Variants in TRMT11 observed in about 807,000 individuals in gnomAD.
TRMT11 encodes tRNA methyltransferase 11, also known as tRNA (guanine(10)-N(2))-methyltransferase TRMT11.
Under a neutral mutation model 62.8 loss-of-function variants are expected in TRMT11, and 53 were observed. That is an observed-to-expected ratio of 0.84 (90% confidence interval 0.68 to 1.06). The LOEUF is 1.06. Among genes scored for constraint, TRMT11 ranks in the 50% least tolerant of loss-of-function variants. The pLI, the probability that TRMT11 is intolerant of heterozygous loss-of-function variation, is 0.00. For missense variants in TRMT11, 556 were observed against 553.4 expected (o/e 1.00, Z -0.05); for synonymous variants, 188 against 190.3 (o/e 0.99, Z 0.10).
chr6:126,222,478 T>A, the TRMT11 span, among the ~76,000 whole-genome samples: 2 of 152,138 alleles, frequency 1.3e-5, no homozygotes, highest in Non-Finnish European at 2.9e-5. Context: ...CATTTCCATT[T>A]GTTTCTGTCA....
intron 1 of TRMT11, among the ~76,000 whole-genome samples, chr6:126,181,187 A>G (rs1778462738): frequency 6.6e-6 from 1 of 152,198 alleles, no homozygotes. Flanking sequence ...GAGGTTAAGA[A>G]TAGAAATGTT....
At chr6:126,085,605 T>C (rs1259210960) in intron 17 of TRMT11, among the ~76,000 whole-genome samples, 1 of 152,196 alleles carries the variant, frequency 6.6e-6, no homozygotes, top group African/African-American at 2.4e-5. Context: ...TAAGCTGCAA[T>C]AGGCAAATCC....
the TRMT11 span, among the ~76,000 whole-genome samples, chr6:126,262,561 G>A: frequency 6.6e-6 from 1 of 152,160 alleles, no homozygotes; most frequent in Non-Finnish European, 1.5e-5. Context: ...CACTCTAGCA[G>A]TTAGCCATCC....
intron 17 of TRMT11, among the ~76,000 whole-genome samples, chr6:126,065,904 T>C (rs935023382): frequency 6.6e-6 from 1 of 152,196 alleles, no homozygotes; most frequent in Admixed American, 6.5e-5. Context: ...GAATTTATCA[T>C]GATCATAAAA....
chr6:126,176,957 A>G (rs1048705223), upstream of TRMT11, among the ~76,000 whole-genome samples: 18 of 152,260 alleles, frequency 1.2e-4, no homozygotes, highest in African/African-American at 4.3e-4. Flanking sequence ...GAATTTGGAA[A>G]GAAACCAAAA....
chr6:125,989,889 C>A (rs1267054139), intron 1 of TRMT11, among the ~76,000 whole-genome samples: 1 of 152,196 alleles, frequency 6.6e-6, no homozygotes, highest in East Asian at 1.9e-4. Flanking sequence ...CCTGCTTTCA[C>A]CTTTGCTCTC....
At chr6:126,069,157 C>T (rs1027642208) in intron 17 of TRMT11, among the ~76,000 whole-genome samples, 6 of 152,214 alleles carry the variant, frequency 3.9e-5, no homozygotes, top group Admixed American at 2.6e-4. Context: ...TTGGCTTTGC[C>T]TTAACCACCT....
At chr6:126,242,515 G>A in the TRMT11 span, among the ~76,000 whole-genome samples, 87 of 152,158 alleles carry the variant, frequency 5.7e-4, 1 homozygote, top group African/African-American at 1.9e-3. Flanking sequence ...GAGGCATCAC[G>A]CTACCTGACT....
At position 126,008,458 on chromosome 6, in the gene TRMT11, C is replaced by T. The variant is rs1262172027; in HGVS notation, c.746C>T (p.Thr249Ile). Residue 249 changes from threonine (T) to isoleucine (I), a missense_variant, in exon 8 of 13, where the codon ACA (threonine) becomes ATA (isoleucine). Physicochemically the swap from Thr to Ile is moderately conservative, Grantham distance 89 (BLOSUM62 -1). Coordinates refer to ENST00000334379, the MANE Select transcript of TRMT11 (RefSeq NM_001031712.3). ...YVYGTDIDYN[T>I]VHGLGKATRK... ...TATGGGACAGACATAGACTACAACA[C>T]AGTTCATGGCTTGGGTGAGTAGAGA... 2 of 1,612,610 alleles carry T rather than the reference C, an allele frequency of 1.2e-6. No homozygotes were observed. Among genetic ancestry groups the T allele is most frequent in the African/African-American group, 2.7e-5 (2 of 74,866 alleles).
At chr6:126,148,646 A>G (rs925631798) in intron 21 of TRMT11, among the ~76,000 whole-genome samples, 3 of 152,178 alleles carry the variant, frequency 2.0e-5, no homozygotes, top group Non-Finnish European at 2.9e-5. Flanking sequence ...CAAAGTTTTT[A>G]TTACTAATAA....
chr6:126,148,410 T>C (rs1777999790), intron 21 of TRMT11, among the ~76,000 whole-genome samples: 1 of 152,186 alleles, frequency 6.6e-6, no homozygotes, highest in African/African-American at 2.4e-5. Context: ...AAGCACCTTA[T>C]TTTCCATGAA....
chr6:126,100,951 A>T (rs988848883), intron 17 of TRMT11, among the ~76,000 whole-genome samples: 5 of 152,130 alleles, frequency 3.3e-5, no homozygotes, highest in African/African-American at 1.2e-4. Context: ...TGCAACCTAG[A>T]TGCCTTCTAT....
chr6:126,148,720 C>A (rs533738516), intron 21 of TRMT11, among the ~76,000 whole-genome samples: 4 of 151,732 alleles, frequency 2.6e-5, no homozygotes, highest in Non-Finnish European at 4.4e-5. Context: ...GTCATTTAGT[C>A]GAGTGATTAA....
intron 21 of TRMT11, among the ~76,000 whole-genome samples, chr6:126,135,918 A>T (rs1249889778): frequency 1.3e-5 from 2 of 151,924 alleles, no homozygotes; most frequent in African/African-American, 2.4e-5. Flanking sequence ...CTGAAAAAGC[A>T]CTTGATAAAA....
rs1793666063 is a variant in TRMT11, at chr6:126,008,317, T to G, written c.680-75T>G. On this transcript the variant is annotated intron_variant, in intron 7 of 12. Transcript: ENST00000334379. ...TCTGCCTGCAGCTAGTTTCTAAGAC[T>G]GGATGAAGTTAAATAGGAACAAACA... The G allele has an allele frequency of 4.1e-6, 5 of 1,206,230 alleles. No individual in the cohort carries two copies. In the Middle Eastern group the frequency reaches 5.7e-4, roughly 137 times the overall value. The allele number at this position is 1,206,230 out of a possible 1,614,324, so 74.7% of individuals were successfully genotyped here. A position where few individuals can be genotyped will look rare whatever the true frequency, so the allele number is the denominator to read the frequency against.
intron 10 of TRMT11, 52 bp from the exon 11 acceptor site, chr6:126,012,918 T>C: frequency 6.2e-7 from 1 of 1,609,474 alleles, no homozygotes; most frequent in Non-Finnish European, 8.5e-7. Context: ...CCCGTTAACT[T>C]AGCACTCTTA....
At chr6:126,223,111 T>A in the TRMT11 span, among the ~76,000 whole-genome samples, 1 of 152,206 alleles carries the variant, frequency 6.6e-6, no homozygotes, top group African/African-American at 2.4e-5. Context: ...AAATTCTTGG[T>A]TGGAATTTCT....
chr6:126,228,998 G>A, the TRMT11 span, among the ~76,000 whole-genome samples: 2 of 152,198 alleles, frequency 1.3e-5, no homozygotes, highest in African/African-American at 2.4e-5. Context: ...ATGAAGATAT[G>A]TGGCTCCAAA....
intron 21 of TRMT11, among the ~76,000 whole-genome samples, chr6:126,132,193 T>C (rs1304843577): frequency 6.6e-6 from 1 of 152,044 alleles, no homozygotes; most frequent in Non-Finnish European, 1.5e-5. Flanking sequence ...TCATTGCCTG[T>C]AGAGTTTAAA....
Sources: gnomAD v4.1 joint callset for allele counts (sites outside exome capture counted in the v4.1 genomes callset) on GRCh38, gnomAD v4.1.1 for gene constraint, MANE v1.5 for transcripts, NCBI Gene and HGNC (gene_info 2026-07-23, HGNC 2026-07-21) for gene names.